MUC5AC: variants seen among roughly 807,000 people sequenced by gnomAD.
The protein encoded by MUC5AC is mucin-5AC.
MUC5AC carries 158 observed loss-of-function variants against 169.7 expected under a neutral mutation model. That is an observed-to-expected ratio of 0.93 (90% CI 0.82 to 1.06). MUC5AC has a LOEUF of 1.06. Among genes scored for constraint, MUC5AC ranks in the 50% least tolerant of loss-of-function variants. The probability of loss-of-function intolerance (pLI) is 0.00; values close to 1 mark genes in which losing one functional copy is unlikely to be tolerated. For synonymous variants in MUC5AC, 1,975 were observed against 1,237.0 expected, an observed-to-expected ratio of 1.60 and a Z score of -12.52; for missense variants, 4,359 against 3,089.9, an observed-to-expected ratio of 1.41 and a Z score of -9.74.
At chr11:1,198,735 AG>A (rs1861346644) in intron 43 of MUC5AC, 138 bp from the exon 44 acceptor site, 1 of 630,680 alleles carries the variant, frequency 1.6e-6, no homozygotes, top group African/African-American at 1.8e-5. Context: ...GAGTCACCCC[AG>A]GGGTGCAACT....
chr11:1,200,301 GC>G, intron 48 of MUC5AC, 136 bp from the exon 49 acceptor site: 2 of 600,882 alleles, frequency 3.3e-6, no homozygotes, highest in Non-Finnish European at 5.9e-6. Context: ...GCAAAGGAGA[GC>G]TGGTTGTCAG....
chr11:1,182,669 T>C lies in MUC5AC; in HGVS notation c.4524T>C (p.Ala1508=), dbSNP rs879100583. The C allele has an allele frequency of 5.9e-4, 229 of 390,056 alleles. No homozygotes were observed. The highest frequency in any genetic ancestry group is 1.9e-3 in the African/African-American group (84 of 44,348). The allele number at this position is 390,056 out of a possible 1,614,324, so 24.2% of individuals were successfully genotyped here. Residue 1508 remains alanine, a synonymous_variant, in exon 31 of 49, where the codon GCT becomes GCC. Coordinates refer to ENST00000621226, the MANE Select transcript of MUC5AC (RefSeq NM_001304359.2). The part of the protein sequence containing the change: ...TTETRASGSS[A]PSSTPGTVSL... ...AAACCCGGGCCTCAGGCTCCTCAGC[T>C]CCCAGCAGCACACCTGGCACCGTGT...
chr11:1,198,027 TG>T, intron 42 of MUC5AC, 23 bp downstream of exon 42: 1 of 653,490 alleles, frequency 1.5e-6, no homozygotes, highest in Non-Finnish European at 2.8e-6. Flanking sequence ...GACCAGGCCC[TG>T]TCAGGGGCCG....
chr11:1,197,733 C>G, intron 41 of MUC5AC, 94 bp downstream of exon 41: 1 of 634,432 alleles, frequency 1.6e-6, no homozygotes, highest in Admixed American at 2.3e-5. Context: ...GGGCGTGCAC[C>G]TGGGGACAGT....
chr11:1,158,528 G>C (rs1860031014), intron 1 of MUC5AC, among the ~76,000 whole-genome samples: 1 of 152,214 alleles, frequency 6.6e-6, no homozygotes, highest in South Asian at 2.1e-4. Flanking sequence ...TCTCCTGCGG[G>C]GGGAGGTCTC....
In MUC5AC at chr11:1,192,980, A is replaced by G; in HGVS notation, c.14578A>G (p.Lys4860Glu). 1.4e-6 allele frequency: 1 copy of G among 709,696 alleles called. No individual in the cohort carries two copies. The highest frequency in any genetic ancestry group is 2.6e-6 in the Non-Finnish European group (1 of 385,620). The allele number at this position is 709,696 out of a possible 1,614,324, so 44.0% of individuals were successfully genotyped here. ...ATGCCCAAATGCGGTTCCCCCCAGA[A>G]AGGTAACCCCCTACTTCTCACCCTT... is the stretch of plus-strand genomic sequence containing the variant. ...LGCPNAVPPR[K>E]KGETWATPNC... Residue 4860 changes from lysine (K) to glutamate (E), a missense_variant and splice_region_variant, in exon 32 of 49, where the codon AAG becomes GAG. Coordinates refer to ENST00000621226, the MANE Select transcript of MUC5AC (RefSeq NM_001304359.2).
rs1861067565 is a variant in MUC5AC at position 1,190,677 on chromosome 11, ATC to A, written c.12536_12537del (p.Ser4179CysfsTer133). 1 of 694,814 alleles carries A rather than the reference ATC, an allele frequency of 1.4e-6. No homozygotes were observed. The highest frequency in any genetic ancestry group is 1.8e-5 in the African/African-American group (1 of 57,134). The allele number at this position is 694,814 out of a possible 1,614,324, so 43.0% of individuals were successfully genotyped here. A position where few individuals can be genotyped will look rare whatever the true frequency, so the allele number is the denominator to read the frequency against. On this transcript the variant is annotated frameshift_variant, in exon 31 of 49. Transcript: ENST00000621226. LOFTEE classifies it high-confidence loss of function. ...STNSAPTTST[I>X]SASTTSTISA... ...AAACTCTGCTCCTACAACCAGCACA[ATC>A]TCTGCCTCTACAACCAGCACAATCT...
At position 1,189,316 on chromosome 11, in the gene MUC5AC, C is replaced by G. The variant is rs1861025372; in HGVS notation, c.11171C>G (p.Pro3724Arg). 1 of 576,162 alleles carries G rather than the reference C, an allele frequency of 1.7e-6. No individual in the cohort carries two copies. The highest frequency in any genetic ancestry group is 2.8e-5 in the East Asian group (1 of 35,980). The allele number at this position is 576,162 out of a possible 1,614,324, so 35.7% of individuals were successfully genotyped here. A position where few individuals can be genotyped will look rare whatever the true frequency, so the allele number is the denominator to read the frequency against. Residue 3724 changes from proline to arginine, a missense_variant, in exon 31 of 49, where the codon CCT becomes CGT. Physicochemically the swap from Pro to Arg is moderately radical, Grantham distance 103. Coordinates refer to ENST00000621226, the MANE Select transcript of MUC5AC (RefSeq NM_001304359.2). ...STPQTTTSSA[P>R]TSSTTSAPTT... ...CCACAGACCACCACATCCTCTGCCCCTACAAGCAGCACAACCTCGGCTCCT... is the reference window on the plus strand; with the variant it reads ...CCACAGACCACCACATCCTCTGCCCGTACAAGCAGCACAACCTCGGCTCCT...
Position 1,178,509 on chromosome 11 carries a change from C to T in MUC5AC, c.3153C>T (p.Ser1051=). 1.7e-6 allele frequency: 2 copies of T among 1,210,310 alleles called. No individual in the cohort carries two copies. Among genetic ancestry groups the T allele is most frequent in the Non-Finnish European group, 2.2e-6 (2 of 916,838 alleles). The allele number at this position is 1,210,310 out of a possible 1,614,324, so 75.0% of individuals were successfully genotyped here. Residue 1051 remains serine (S), a synonymous_variant, in exon 25 of 49, where the codon AGC becomes AGT. Coordinates refer to ENST00000621226, the MANE Select transcript of MUC5AC (RefSeq NM_001304359.2). ...DIAVNDFATR[S]RSVVGDVLEF... is the part of the protein sequence containing the mutation. ...CCGTTAATGACTTTGCCACGCGGAG[C>T]CGGTCTGTGGTGGGGGACGTGCTGG...
chr11:1,193,620 G>T lies in MUC5AC; in HGVS notation c.14716G>T (p.Ala4906Ser). 1.3e-6 allele frequency: 1 copy of T among 765,020 alleles called. No individual in the cohort carries two copies. Among genetic ancestry groups the T allele is most frequent in the Non-Finnish European group, 2.4e-6 (1 of 417,848 alleles). The allele number at this position is 765,020 out of a possible 1,614,324, so 47.4% of individuals were successfully genotyped here. ...CAACGGCTACCCGGCTGTGAAGGTG[G>T]CTGACCAAGATGGCTGCTGCCATCA... ...CANGYPAVKV[A>S]DQDGCCHHYQ... The change falls in exon 33 of 49, where the codon GCT becomes TCT. Residue 4906 changes from alanine (A) to serine (S), a missense_variant. Coordinates refer to ENST00000621226, the MANE Select transcript of MUC5AC (RefSeq NM_001304359.2).
In MUC5AC at chr11:1,192,090, G is replaced by A. The variant is rs776898164; in HGVS notation, c.13945G>A (p.Gly4649Arg). The A allele has an allele frequency of 1.6e-5, 12 of 764,964 alleles. No homozygotes were observed. The highest frequency in any genetic ancestry group is 8.0e-5 in the South Asian group (6 of 74,626). 47.4% of individuals were successfully genotyped at this position (764,964 alleles called of 1,614,324 possible). A position where few individuals can be genotyped will look rare whatever the true frequency, so the allele number is the denominator to read the frequency against. ...CTTCCCATCCCCTGGACCCCACGGC[G>A]GGGACAAGGAAACCTACAACAACAT... is the stretch of plus-strand genomic sequence containing the variant. ...VDFPSPGPHGGDKETYNNIIR... is the reference protein window; with the variant it reads ...VDFPSPGPHGRDKETYNNIIR... Residue 4649 changes from glycine (G) to arginine (R), a missense_variant, in exon 31 of 49, where the codon GGG becomes AGG. Transcript: ENST00000621226.
intron 15 of MUC5AC, 166 bp downstream of exon 15, chr11:1,169,192 C>A: frequency 1.0e-6 from 1 of 974,396 alleles, no homozygotes. Context: ...CCCAACCCAG[C>A]TTATGTGGAG....
chr11:1,178,706 C>G, intron 25 of MUC5AC, 23 bp downstream of exon 25: 1 of 1,208,274 alleles, frequency 8.3e-7, no homozygotes, highest in Middle Eastern at 2.7e-4. Flanking sequence ...GGGGGCGTTT[C>G]TCTGGGCCCA....
At chr11:1,161,368 T>C (rs1232207032) in intron 2 of MUC5AC, among the ~76,000 whole-genome samples, 159 bp from the exon 3 acceptor site, 2 of 37,670 alleles carry the variant, frequency 5.3e-5, no homozygotes, top group African/African-American at 2.1e-4. Flanking sequence ...AACGTGCAGA[T>C]GGTGGGTGGG....
intron 15 of MUC5AC, among the ~76,000 whole-genome samples, chr11:1,171,641 CCACTCACTCACTCACCCATTCACCCACT>C (rs1860544219): frequency 8.1e-6 from 1 of 124,084 alleles, no homozygotes; most frequent in African/African-American, 3.1e-5. Context: ...ACCCACTCAC[CCACTCACTCACTCACCCATTCACCCACT>C]CACCCACTCA....
In MUC5AC at chr11:1,190,579, C is replaced by T. The variant is rs1473279438; in HGVS notation, c.12434C>T (p.Thr4145Met). The change falls in exon 31 of 49, where the codon ACG (threonine) becomes ATG (methionine). Residue 4145 changes from threonine (T) to methionine (M), a missense_variant. Physicochemically the swap from Thr to Met is moderately conservative, Grantham distance 81. Coordinates refer to ENST00000621226, the MANE Select transcript of MUC5AC (RefSeq NM_001304359.2). ...TSTTSAPTHR[T>M]TSGPTTSTTL... Reference sequence around the variant, plus strand: ...ACGACCTCAGCTCCTACACACAGAACGACTTCTGGTCCTACAACCAGCACA... The same window carrying T: ...ACGACCTCAGCTCCTACACACAGAATGACTTCTGGTCCTACAACCAGCACA... The T allele has an allele frequency of 1.4e-5, 10 of 695,996 alleles. No homozygotes were observed. The highest frequency in any genetic ancestry group is 3.5e-5 in the African/African-American group (2 of 56,914). The allele number at this position is 695,996 out of a possible 1,614,324, so 43.1% of individuals were successfully genotyped here.
rs1861315368 is a variant in MUC5AC, at chr11:1,197,758, C to T, written c.16033+119C>T. 9.5e-6 allele frequency: 6 copies of T among 629,426 alleles called. No individual in the cohort carries two copies. In the Admixed American group the frequency reaches 1.4e-4, roughly 15 times the overall value. The allele number at this position is 629,426 out of a possible 1,614,324, so 39.0% of individuals were successfully genotyped here. ...CTGGGGACAGTGCCTACGAGGGCGT[C>T]CCCTCCTCCGCTTCCGCAACAGCCT... On this transcript the variant is annotated intron_variant, in intron 41 of 48. Coordinates refer to ENST00000621226, the MANE Select transcript of MUC5AC (RefSeq NM_001304359.2).
intron 4 of MUC5AC, 112 bp from the exon 5 acceptor site, chr11:1,162,420 C>T (rs994802241): frequency 2.6e-5 from 28 of 1,090,026 alleles, no homozygotes; most frequent in Non-Finnish European, 3.0e-5. Flanking sequence ...CCATCCCAGA[C>T]GCGACTTCAC....
intron 9 of MUC5AC, 31 bp downstream of exon 9, chr11:1,164,563 G>A (rs1023416283): frequency 6.3e-7 from 1 of 1,583,882 alleles, no homozygotes; most frequent in Non-Finnish European, 8.6e-7. Flanking sequence ...GGAAACACAG[G>A]TGCACCCCGA....
Sources: allele counts gnomAD v4.1 joint callset (sites outside exome capture counted in the v4.1 genomes callset), GRCh38; gene constraint gnomAD v4.1.1; transcripts MANE v1.5; gene names NCBI Gene and HGNC (gene_info 2026-07-23, HGNC 2026-07-21).